WIPI2: variants seen among roughly 807,000 people sequenced by gnomAD.
The protein encoded by WIPI2 is WD repeat domain phosphoinositide-interacting protein 2.
A neutral mutation model predicts 52.3 loss-of-function variants in WIPI2; 28 were observed. That is an observed-to-expected ratio of 0.54 (90% CI 0.40 to 0.73). The LOEUF (loss-of-function observed/expected upper bound fraction) is 0.73, where lower values mean the gene tolerates loss of function less well. Among genes scored for constraint, WIPI2 ranks in the 30% least tolerant of loss-of-function variants. The probability of loss-of-function intolerance (pLI) is 0.00; values close to 1 mark genes in which losing one functional copy is unlikely to be tolerated. For synonymous variants in WIPI2, 268 were observed against 245.0 expected (o/e 1.09, Z -0.88); for missense variants, 506 against 602.9 (o/e 0.84, Z 1.68).
chr7:5,209,215 G>C (rs985689358), intron 3 of WIPI2, among the ~76,000 whole-genome samples: 1 of 152,008 alleles, frequency 6.6e-6, no homozygotes, highest in Non-Finnish European at 1.5e-5. Context: ...TTAAATAGTT[G>C]CTCCATAGAT....
At chr7:5,202,302 T>C (rs1190910268) in intron 3 of WIPI2, among the ~76,000 whole-genome samples, 1 of 152,292 alleles carries the variant, frequency 6.6e-6, no homozygotes, top group African/African-American at 2.4e-5. Flanking sequence ...GAAGATAGAT[T>C]TTCTACCATC....
chr7:5,214,767 C>T, intron 4 of WIPI2, 63 bp downstream of exon 4: 1 of 1,572,556 alleles, frequency 6.4e-7, no homozygotes, highest in Non-Finnish European at 8.7e-7. Context: ...CTGGGACAAG[C>T]CCACCCCACC....
In WIPI2 at chr7:5,230,933, C is replaced by G; in HGVS notation, c.1351C>G (p.Leu451Val). The change falls in exon 13 of 13, where the codon CTT (leucine) becomes GTT (valine). Residue 451 changes from leucine to valine, a missense_variant. Coordinates refer to ENST00000288828, the MANE Select transcript of WIPI2 (RefSeq NM_015610.4). This position sits in a 1 kb window ranked among gnomAD's most constrained non-coding sequence, Gnocchi z 4.8. Reference protein sequence around the residue: ...DEDSEHPPMILRTD With the variant: ...DEDSEHPPMIVRTD ...GGACAGCGAGCACCCGCCCATGATTCTTCGGACTGACTGAACTTGACCTGT... is the reference window on the plus strand; with the variant it reads ...GGACAGCGAGCACCCGCCCATGATTGTTCGGACTGACTGAACTTGACCTGT... 2.5e-6 allele frequency: 4 copies of G among 1,612,060 alleles called. No individual in the cohort carries two copies. The highest frequency in any genetic ancestry group is 3.4e-6 in the Non-Finnish European group (4 of 1,179,028).
chr7:5,199,497 T>C (rs932728146), intron 2 of WIPI2, 79 bp from the exon 3 acceptor site: 2 of 1,301,476 alleles, frequency 1.5e-6, no homozygotes, highest in African/African-American at 3.0e-5. Flanking sequence ...GGGAACTCGC[T>C]GGGAACGTGG....
chr7:5,210,050 G>A (rs1782479551), intron 3 of WIPI2, among the ~76,000 whole-genome samples: 1 of 151,082 alleles, frequency 6.6e-6, no homozygotes, highest in East Asian at 2.0e-4. Context: ...TGGGATTACA[G>A]GCGCCCACCG....
intron 2 of WIPI2, among the ~76,000 whole-genome samples, chr7:5,194,335 C>T (rs560070469): frequency 2.0e-5 from 3 of 152,130 alleles, no homozygotes; most frequent in African/African-American, 7.2e-5. Flanking sequence ...CTCTATCCGC[C>T]TAAGCACGCA....
At chr7:5,198,098 C>T (rs1366199229) in intron 2 of WIPI2, among the ~76,000 whole-genome samples, 1 of 152,134 alleles carries the variant, frequency 6.6e-6, no homozygotes, top group Non-Finnish European at 1.5e-5. Flanking sequence ...GCCATGAAAC[C>T]AATCCTCTGC....
At chr7:5,214,405 G>A in intron 3 of WIPI2, 130 bp from the exon 4 acceptor site, 1 of 1,608,320 alleles carries the variant, frequency 6.2e-7, no homozygotes. Context: ...ATGACCACAT[G>A]TTCCGCAGGC....
At chr7:5,198,555 C>G (rs1781864778) in intron 2 of WIPI2, among the ~76,000 whole-genome samples, 1 of 152,186 alleles carries the variant, frequency 6.6e-6, no homozygotes, top group South Asian at 2.1e-4. Context: ...CTCAAGTAAT[C>G]TGCCCGCCTC....
intron 9 of WIPI2, 140 bp downstream of exon 9, chr7:5,226,070 G>A (rs1187552329): frequency 3.3e-5 from 25 of 765,846 alleles, no homozygotes; most frequent in Admixed American, 2.9e-4. Context: ...GCCATGGAGC[G>A]AGCACCTCCG....
intron 3 of WIPI2, among the ~76,000 whole-genome samples, chr7:5,211,486 C>A (rs1458690395): frequency 1.3e-5 from 2 of 152,090 alleles, no homozygotes; most frequent in African/African-American, 4.8e-5. Context: ...AAAATAAAAT[C>A]CCACTTCGCA....
rs778991604 is a variant in WIPI2 at position 5,230,970 on chromosome 7, CG to C, written c.*27del. 17 of 1,596,948 alleles carry C rather than the reference CG, an allele frequency of 1.1e-5. No homozygotes were observed. The South Asian group carries it at 1.7e-4, about 16-fold the overall frequency. On this transcript the variant is annotated 3_prime_UTR_variant, in exon 13 of 13. Coordinates refer to ENST00000288828, the MANE Select transcript of WIPI2 (RefSeq NM_015610.4). This position sits in a 1 kb window ranked among gnomAD's most constrained non-coding sequence, Gnocchi z 4.8. Reference sequence around the variant, plus strand: ...TGAACTTGACCTGTGACCTCTGACCCGGGGAGCAGAGAACACTGGCTTCACA... The same window carrying C: ...TGAACTTGACCTGTGACCTCTGACCCGGGAGCAGAGAACACTGGCTTCACA...
At chr7:5,196,950 A>G (rs957302836) in intron 2 of WIPI2, among the ~76,000 whole-genome samples, 13 of 151,894 alleles carry the variant, frequency 8.6e-5, no homozygotes, top group Admixed American at 2.6e-4. Context: ...CATCTCTACT[A>G]GAAATACAAA....
chr7:5,196,343 C>T (rs180987588), intron 2 of WIPI2, among the ~76,000 whole-genome samples: 11 of 152,040 alleles, frequency 7.2e-5, no homozygotes, highest in African/African-American at 1.2e-4. Context: ...AGCAAAACTC[C>T]ATCTAAAAAA....
At chr7:5,229,016 CTTTT>C (rs775592763) in intron 11 of WIPI2, among the ~76,000 whole-genome samples, 12 of 151,770 alleles carry the variant, frequency 7.9e-5, no homozygotes, top group Non-Finnish European at 1.6e-4. Flanking sequence ...CTGCACCTAG[CTTTT>C]TGTGTGTGTG....
rs913366675 is a variant in WIPI2 at position 5,230,675 on chromosome 7, A to C, written c.1253-160A>C. ...TTCATCTCGAGCTGCCTAAGGCTGC[A>C]AAGAGTTCATTAGAAAGCAATCAGA... On this transcript the variant is annotated intron_variant, in intron 12 of 12. Coordinates refer to ENST00000288828, the MANE Select transcript of WIPI2 (RefSeq NM_015610.4). This position sits in a 1 kb window ranked among gnomAD's most constrained non-coding sequence, Gnocchi z 4.8. Among the ~76,000 whole-genome samples, 1 of 152,258 alleles carries C rather than the reference A, an allele frequency of 6.6e-6. No individual in the cohort carries two copies. Among genetic ancestry groups the C allele is most frequent in the Non-Finnish European group, 1.5e-5 (1 of 68,046 alleles).
chr7:5,209,595 C>T (rs1163082363), intron 3 of WIPI2, among the ~76,000 whole-genome samples: 2 of 152,178 alleles, frequency 1.3e-5, no homozygotes, highest in Non-Finnish European at 2.9e-5. Flanking sequence ...CCTCTAATGG[C>T]GACTTGCTCT....
At chr7:5,194,222 G>T (rs905023254) in intron 2 of WIPI2, among the ~76,000 whole-genome samples, 1 of 151,958 alleles carries the variant, frequency 6.6e-6, no homozygotes, top group Non-Finnish European at 1.5e-5. Flanking sequence ...GGGGAGCGGG[G>T]ATGGGGGTGG....
chr7:5,210,281 C>T (rs1025903987), intron 3 of WIPI2, among the ~76,000 whole-genome samples: 36 of 152,180 alleles, frequency 2.4e-4, no homozygotes, highest in African/African-American at 8.0e-4. Flanking sequence ...TTCAGCCATT[C>T]TTCCTACACA....
Sources: allele counts gnomAD v4.1 joint callset (sites outside exome capture counted in the v4.1 genomes callset), GRCh38; gene constraint gnomAD v4.1.1; non-coding constraint Gnocchi (gnomAD v3.1); transcripts MANE v1.5; gene names NCBI Gene and HGNC (gene_info 2026-07-23, HGNC 2026-07-21).